Variants in SLC7A8 observed in about 807,000 individuals in gnomAD.
The protein encoded by SLC7A8 is large neutral amino acids transporter small subunit 2.
SLC7A8 carries 30 observed loss-of-function variants against 51.2 expected under a neutral mutation model. The ratio of observed to expected loss-of-function variants is 0.59; its 90% CI spans 0.44 to 0.80. SLC7A8 has a LOEUF of 0.80. SLC7A8 is among the 30% of genes least tolerant of loss of function. The pLI, the probability that SLC7A8 is intolerant of heterozygous loss-of-function variation, is 0.00. For synonymous variants in SLC7A8, 257 were observed against 275.8 expected, an observed-to-expected ratio of 0.93 and a Z score of 0.67; for missense variants, 612 against 674.4, an observed-to-expected ratio of 0.91 and a Z score of 1.03.
At chr14:23,131,644 A>T in intron 7 of SLC7A8, 87 bp from the exon 8 acceptor site, 1 of 1,019,862 alleles carries the variant, frequency 9.8e-7, no homozygotes, top group Non-Finnish European at 1.4e-6. Flanking sequence ...TTCTGCCCAC[A>T]CAGGGGCATC....
At chr14:23,147,723 A>C (rs575420848) in intron 3 of SLC7A8, among the ~76,000 whole-genome samples, 2 of 152,312 alleles carry the variant, frequency 1.3e-5, no homozygotes, top group Admixed American at 1.3e-4. Flanking sequence ...AGAAGACAAG[A>C]GTTCAAGAAG....
At chr14:23,136,683 C>T (rs985253550) in intron 7 of SLC7A8, among the ~76,000 whole-genome samples, 1 of 152,214 alleles carries the variant, frequency 6.6e-6, no homozygotes, top group South Asian at 2.1e-4. Context: ...CCACCGTTTC[C>T]TGCATGCACA....
At chr14:23,175,157 A>G (rs1195585986) in intron 1 of SLC7A8, among the ~76,000 whole-genome samples, 1 of 152,072 alleles carries the variant, frequency 6.6e-6, no homozygotes, top group Non-Finnish European at 1.5e-5. Flanking sequence ...AGAAAAGTGT[A>G]TATATGGTGC....
chr14:23,152,412 T>C (rs2048855405), intron 3 of SLC7A8, among the ~76,000 whole-genome samples: 1 of 151,968 alleles, frequency 6.6e-6, no homozygotes, highest in South Asian at 2.1e-4. Flanking sequence ...ATTACAGGCA[T>C]GAGCCACCAA....
chr14:23,161,130 C>A (rs2048919573), intron 3 of SLC7A8, among the ~76,000 whole-genome samples: 1 of 152,054 alleles, frequency 6.6e-6, no homozygotes, highest in Non-Finnish European at 1.5e-5. Flanking sequence ...TCTCCCCGAC[C>A]CGCTCAGGAT....
chr14:23,171,106 C>G (rs1017521799), intron 1 of SLC7A8, among the ~76,000 whole-genome samples: 2 of 152,168 alleles, frequency 1.3e-5, no homozygotes, highest in East Asian at 3.9e-4. Context: ...AGCTTAGACT[C>G]ATTGTCTGTA....
intron 7 of SLC7A8, among the ~76,000 whole-genome samples, chr14:23,131,999 A>ATTTTTTTTTT (rs1201371313): frequency 1.0e-5 from 1 of 98,196 alleles, no homozygotes; most frequent in Non-Finnish European, 2.0e-5. Flanking sequence ...AAAACACTCT[A>ATTTTTTTTTT]TTTTTTTTTT....
intron 3 of SLC7A8, among the ~76,000 whole-genome samples, chr14:23,158,187 G>C (rs2048903802): frequency 6.6e-6 from 1 of 152,332 alleles, no homozygotes. Context: ...TGTTTGTTGA[G>C]TGAATAAAGT....
chr14:23,153,663 A>G (rs1158897075), intron 3 of SLC7A8, among the ~76,000 whole-genome samples: 1 of 152,158 alleles, frequency 6.6e-6, no homozygotes, highest in East Asian at 1.9e-4. Context: ...CATTTCCCAC[A>G]GGGATCTCCA....
intron 7 of SLC7A8, among the ~76,000 whole-genome samples, chr14:23,132,518 G>C (rs2048646465): frequency 6.6e-6 from 1 of 151,814 alleles, no homozygotes; most frequent in Admixed American, 6.6e-5. Context: ...GAAGTTCAAA[G>C]CCAGCCTAGG....
At chr14:23,140,972 T>C (rs2140312906) in intron 4 of SLC7A8, among the ~76,000 whole-genome samples, 1 of 152,292 alleles carries the variant, frequency 6.6e-6, no homozygotes, top group Non-Finnish European at 1.5e-5. Context: ...TTTCTCTAAG[T>C]TTCTACATTT....
chr14:23,175,232 G>C (rs1200784883), intron 1 of SLC7A8, among the ~76,000 whole-genome samples: 1 of 152,138 alleles, frequency 6.6e-6, no homozygotes. Flanking sequence ...TTGTTTGTTT[G>C]TTGTTGTTTT....
chr14:23,180,100 G>A (rs992586863), intron 1 of SLC7A8, among the ~76,000 whole-genome samples: 4 of 152,058 alleles, frequency 2.6e-5, no homozygotes, highest in Non-Finnish European at 5.9e-5. Context: ...TAGAGACGAG[G>A]TTTCACCGTG....
intron 3 of SLC7A8, among the ~76,000 whole-genome samples, chr14:23,160,767 A>G (rs2048917045): frequency 6.6e-6 from 1 of 152,114 alleles, no homozygotes; most frequent in Non-Finnish European, 1.5e-5. Context: ...TATGGGGAAT[A>G]TAGTCATTTA....
At position 23,140,343 on chromosome 14, in the gene SLC7A8, T is replaced by C. The variant is rs965933620; in HGVS notation, c.788+128A>G. On this transcript the variant is annotated intron_variant, in intron 5 of 10. Transcript: ENST00000316902. ...TGGGAAATGAACTACGACTTCAGGA[T>C]AGATCAAATCACAGTTAGAATGGGG... 4 of 1,032,944 alleles carry C rather than the reference T, an allele frequency of 3.9e-6. No individual in the cohort carries two copies. In the Admixed American group the frequency reaches 6.9e-5, roughly 18 times the overall value. 64.0% of individuals were successfully genotyped at this position (1,032,944 alleles called of 1,614,324 possible). A position where few individuals can be genotyped will look rare whatever the true frequency, so the allele number is the denominator to read the frequency against.
At chr14:23,170,473 T>G (rs1012776495) in intron 1 of SLC7A8, among the ~76,000 whole-genome samples, 4 of 152,168 alleles carry the variant, frequency 2.6e-5, no homozygotes, top group Non-Finnish European at 5.9e-5. Context: ...TCTTTTTTTT[T>G]GTTTTGAGAC....
intron 3 of SLC7A8, among the ~76,000 whole-genome samples, chr14:23,161,759 C>A (rs2048924306): frequency 6.6e-6 from 1 of 152,080 alleles, no homozygotes; most frequent in Admixed American, 6.5e-5. Context: ...GAAACCCCAT[C>A]TCTACTAAAA....
intron 7 of SLC7A8, among the ~76,000 whole-genome samples, chr14:23,134,167 G>C (rs2048666221): frequency 1.3e-5 from 2 of 151,674 alleles, no homozygotes; most frequent in South Asian, 4.2e-4. Context: ...ATTGTCTCTG[G>C]GTGGTGAAAT....
intron 3 of SLC7A8, among the ~76,000 whole-genome samples, chr14:23,150,514 T>A (rs2048837276): frequency 6.6e-6 from 1 of 152,182 alleles, no homozygotes; most frequent in South Asian, 2.1e-4. Flanking sequence ...GCGGCCATGG[T>A]GCCCTTCCCA....
Sources: allele counts gnomAD v4.1 joint callset (sites outside exome capture counted in the v4.1 genomes callset), GRCh38; gene constraint gnomAD v4.1.1; transcripts MANE v1.5; gene names NCBI Gene and HGNC (gene_info 2026-07-23, HGNC 2026-07-21).